The following DLC1 variants were observed in gnomAD, a reference collection of about 807,000 sequenced individuals.
DLC1 encodes the protein DLC1 Rho GTPase activating protein, also known as rho GTPase-activating protein 7.
In DLC1, 54 loss-of-function variants were observed where a neutral mutation model predicts 140.3. The ratio of observed to expected loss-of-function variants is 0.38; its 90% confidence interval spans 0.31 to 0.48. The LOEUF (loss-of-function observed/expected upper bound fraction) is 0.48. DLC1 is among the 20% of genes least tolerant of loss of function. DLC1 has a pLI of 0.96. For missense variants in DLC1, 2,536 were observed against 1,907.0 expected, an observed-to-expected ratio of 1.33 and a Z score of -6.14; for synonymous variants, 986 against 728.1, an observed-to-expected ratio of 1.35 and a Z score of -5.70.
intron 5 of DLC1, among the ~76,000 whole-genome samples, chr8:13,200,839 C>T (rs753108405): frequency 2.4e-4 from 36 of 152,244 alleles, no homozygotes; most frequent in Admixed American, 3.9e-4. Flanking sequence ...CTCAAGTGAT[C>T]CTCCAGACTT....
At chr8:13,569,531 A>C (rs1804573045) in intron 1 of DLC1, among the ~76,000 whole-genome samples, 1 of 152,050 alleles carries the variant, frequency 6.6e-6, no homozygotes, top group South Asian at 2.1e-4. Context: ...ATTCTGAATA[A>C]TTTTCCCTTT....
chr8:13,088,689 G>A lies in DLC1; in HGVS notation c.4090C>T (p.Pro1364Ser). ...ATGACTGACCTCCAAAGCCTCAGAG[G>A]GGGTCCTTCGCTCACCTGGAAAGAG... ...LSYKKVSEGP[P>S]LRLWRSVIEV... The change falls in exon 16 of 18, where the codon CCT (proline) becomes TCT (serine). Residue 1364 changes from proline to serine, a missense_variant. By Grantham distance (74) the Pro-to-Ser change is moderately conservative. Transcript: ENST00000276297. 6.2e-7 allele frequency: 1 copy of A among 1,614,082 alleles called. No individual in the cohort carries two copies. The highest frequency in any genetic ancestry group is 1.1e-5 in the South Asian group (1 of 91,070).
Position 13,312,069 on chromosome 8 carries a change from T to C in DLC1, c.1315-6767A>G, listed in dbSNP as rs1404229033. 2.0e-5 allele frequency among the ~76,000 whole-genome samples: 3 copies of C among 151,290 alleles called. 1 individual carries two copies. Among genetic ancestry groups the C allele is most frequent in the East Asian group, 1.9e-4 (1 of 5,196 alleles). On this transcript the variant is annotated intron_variant, in intron 4 of 17. Transcript: ENST00000276297. ...TCATTATTCTAAGTTTTTTTAAAAA[T>C]AATTTCTTTAGGCCGGGCGCGGTGG...
intron 3 of DLC1, among the ~76,000 whole-genome samples, chr8:13,399,769 A>G (rs1274379396): frequency 2.0e-5 from 3 of 152,158 alleles, no homozygotes; most frequent in Non-Finnish European, 1.5e-5. Flanking sequence ...AGACATCCTT[A>G]AAGACTATAT....
intron 2 of DLC1, among the ~76,000 whole-genome samples, chr8:13,406,910 T>G (rs1314003088): frequency 6.6e-6 from 1 of 152,164 alleles, no homozygotes; most frequent in Non-Finnish European, 1.5e-5. Context: ...TGAACTTGAG[T>G]CAATGCTGTG....
intron 2 of DLC1, among the ~76,000 whole-genome samples, chr8:13,454,840 A>G (rs289550): frequency 0.3 from 45,540 of 152,126 alleles, 7,332 homozygotes; most frequent in Middle Eastern, 0.41. Flanking sequence ...GGTGTGAGCC[A>G]TTGTGCCTGG....
At chr8:13,188,597 C>G (rs1409309626) in intron 5 of DLC1, among the ~76,000 whole-genome samples, 5 of 139,050 alleles carry the variant, frequency 3.6e-5, no homozygotes, top group Non-Finnish European at 7.7e-5. Context: ...TATACAATGT[C>G]TATTACTTTT....
chr8:13,597,592 T>G (rs571382896), intron 1 of DLC1, among the ~76,000 whole-genome samples: 2 of 152,234 alleles, frequency 1.3e-5, no homozygotes, highest in South Asian at 2.1e-4. Context: ...TAGTGTGTTT[T>G]ACATTGTAAT....
chr8:13,174,298 C>T (rs555191850), intron 5 of DLC1, among the ~76,000 whole-genome samples: 22 of 152,242 alleles, frequency 1.4e-4, no homozygotes, highest in African/African-American at 5.1e-4. Flanking sequence ...TATGTCTTTG[C>T]TGTTGTGAGC....
At chr8:13,390,990 A>G (rs909975029) in intron 4 of DLC1, among the ~76,000 whole-genome samples, 1 of 40,168 alleles carries the variant, frequency 2.5e-5, no homozygotes, top group Non-Finnish European at 5.6e-5. Context: ...GTCTCAAAAA[A>G]AAAAAGAAAA....
chr8:13,297,882 G>T (rs1403138589), intron 5 of DLC1, among the ~76,000 whole-genome samples: 3 of 152,012 alleles, frequency 2.0e-5, no homozygotes, highest in Admixed American at 2.0e-4. Context: ...TTTTGTTGTT[G>T]TTGTTGTTGT....
At position 13,090,309 on chromosome 8, in the gene DLC1, C is replaced by T. The variant is rs552461993; in HGVS notation, c.4017G>A (p.Lys1339=). ...VDGLFKEVKE[K]FKGWVSYSTS... ...TGGAGTAGCTGACCCAGCCTTTAAA[C>T]TTCTCTTTGACTTCTTTAAACAGGC... The change falls in exon 15 of 18, where the codon AAG becomes AAA. Residue 1339 remains lysine (K), a synonymous_variant. Transcript: ENST00000276297. The T allele has an allele frequency of 8.1e-6, 13 of 1,614,204 alleles. No homozygotes were observed. The South Asian group carries it at 1.4e-4, about 18-fold the overall frequency.
At chr8:13,121,232 G>A (rs1029979045) in intron 5 of DLC1, among the ~76,000 whole-genome samples, 1 of 152,290 alleles carries the variant, frequency 6.6e-6, no homozygotes, top group Middle Eastern at 3.4e-3. Context: ...AGAGAACCGT[G>A]TCAGCTGTGT....
intron 2 of DLC1, among the ~76,000 whole-genome samples, chr8:13,475,940 G>A (rs1800416383): frequency 6.6e-6 from 1 of 152,226 alleles, no homozygotes; most frequent in East Asian, 1.9e-4. Context: ...CCACATACTT[G>A]GGTCATTATT....
intron 1 of DLC1, among the ~76,000 whole-genome samples, chr8:13,520,256 A>T (rs1051071764): frequency 6.6e-6 from 1 of 152,254 alleles, no homozygotes; most frequent in African/African-American, 2.4e-5. Context: ...GGATTAAGAA[A>T]ATGTGGCACA....
In DLC1 at chr8:13,120,356, A is replaced by AAAAAAAAATATATATATATATATAT; in HGVS notation, c.1349-4700_1349-4699insATATATATATATATATATTTTTTTT. On this transcript the variant is annotated intron_variant, in intron 5 of 17. Transcript: ENST00000276297. Reference sequence around the variant, plus strand: ...AGACTCCGTCGCAAAAAAAAAAAAAAATATATATATATATAAAATGTATAT... The same window carrying AAAAAAAAATATATATATATATATAT: ...AGACTCCGTCGCAAAAAAAAAAAAAAAAAAAAAATATATATATATATATATATATATATATATATAAAATGTATAT... 5.6e-3 allele frequency among the ~76,000 whole-genome samples: 342 copies of AAAAAAAAATATATATATATATATAT among 60,892 alleles called. 3 individuals are homozygous for AAAAAAAAATATATATATATATATAT. Among genetic ancestry groups the AAAAAAAAATATATATATATATATAT allele is most frequent in the Non-Finnish European group, 9.3e-3 (247 of 26,434 alleles). 39.9% of individuals were successfully genotyped at this position (60,892 alleles called of 152,430 possible). A position where few individuals can be genotyped will look rare whatever the true frequency, so the allele number is the denominator to read the frequency against.
intron 5 of DLC1, among the ~76,000 whole-genome samples, chr8:13,123,210 G>C (rs140991335): frequency 7.9e-4 from 121 of 152,218 alleles, no homozygotes; most frequent in African/African-American, 2.7e-3. Context: ...CCTTTCATTG[G>C]TGAAAGCCAA....
At chr8:13,301,116 A>C (rs1204248987) in intron 5 of DLC1, among the ~76,000 whole-genome samples, 1 of 152,158 alleles carries the variant, frequency 6.6e-6, no homozygotes, top group Non-Finnish European at 1.5e-5. Flanking sequence ...CAGGAGGATA[A>C]TGGAATCACG....
chr8:13,243,240 A>G lies in DLC1; in HGVS notation c.1348+62029T>C, dbSNP rs1002477082. Among the ~76,000 whole-genome samples the G allele has an allele frequency of 3.4e-5, 5 of 148,162 alleles. No homozygotes were observed. The East Asian group carries it at 8.1e-4, about 24-fold the overall frequency. Reference sequence around the variant, plus strand: ...AGGAGCTGGAGGTTGCAGTGAGCCAAGATCAAACCATTGCATTCCAGCCTG... The same window carrying G: ...AGGAGCTGGAGGTTGCAGTGAGCCAGGATCAAACCATTGCATTCCAGCCTG... On this transcript the variant is annotated intron_variant, in intron 5 of 17. Transcript: ENST00000276297.
Sources: gnomAD v4.1 joint callset for allele counts (sites outside exome capture counted in the v4.1 genomes callset) on GRCh38, gnomAD v4.1.1 for gene constraint, MANE v1.5 for transcripts, NCBI Gene and HGNC (gene_info 2026-07-23, HGNC 2026-07-21) for gene names.